The following L3MBTL3 variants were observed in gnomAD, a reference collection of about 807,000 sequenced individuals.
L3MBTL3 encodes L3MBTL histone methyl-lysine binding protein 3.
Under a neutral mutation model 102.3 loss-of-function variants are expected in L3MBTL3, and 27 were observed. The ratio of observed to expected loss-of-function variants is 0.26; its 90% CI spans 0.19 to 0.36. The LOEUF (loss-of-function observed/expected upper bound fraction) is 0.36, where lower values mean the gene tolerates loss of function less well. Among genes scored for constraint, L3MBTL3 ranks in the 10% least tolerant of loss-of-function variants. The pLI is 1.00. For synonymous variants in L3MBTL3, 340 were observed against 320.9 expected, an observed-to-expected ratio of 1.06 and a Z score of -0.64; for missense variants, 798 against 955.3, an observed-to-expected ratio of 0.84 and a Z score of 2.17.
At position 130,141,334 on chromosome 6, in the gene L3MBTL3, T is replaced by C. The variant is rs984517527; in HGVS notation, c.*1581T>C. On this transcript the variant is annotated 3_prime_UTR_variant, in exon 23 of 23. Coordinates refer to ENST00000361794, the MANE Select transcript of L3MBTL3 (RefSeq NM_032438.4). ...ATTTATTTGCATGAATCTGCTTAAATAAGTTTTTTGTTGCTGTTTTTTCTT... is the reference window on the plus strand; with the variant it reads ...ATTTATTTGCATGAATCTGCTTAAACAAGTTTTTTGTTGCTGTTTTTTCTT... The C allele has an allele frequency of 1.3e-5, 2 of 152,374 alleles. No individual in the cohort carries two copies. Among genetic ancestry groups the C allele is most frequent in the Non-Finnish European group, 2.9e-5 (2 of 68,040 alleles). The allele number at this position is 152,374 out of a possible 1,614,324, so 9.4% of individuals were successfully genotyped here. A position where few individuals can be genotyped will look rare whatever the true frequency, so the allele number is the denominator to read the frequency against.
At chr6:130,020,114 G>GGCCGGGGCCGGC (rs1333401855) in intron 1 of L3MBTL3, among the ~76,000 whole-genome samples, 1 of 150,946 alleles carries the variant, frequency 6.6e-6, no homozygotes, top group Non-Finnish European at 1.5e-5. Context: ...GAGGGGTCGG[G>GGCCGGGGCCGGC]GCCGGGGCCG....
chr6:130,063,766 C>G (rs1306602957), intron 10 of L3MBTL3, among the ~76,000 whole-genome samples: 1 of 152,158 alleles, frequency 6.6e-6, no homozygotes, highest in Non-Finnish European at 1.5e-5. Context: ...TAAACAACAC[C>G]TCAGCACTAT....
chr6:130,053,880 T>G (rs1186700477), intron 7 of L3MBTL3, among the ~76,000 whole-genome samples: 1 of 152,170 alleles, frequency 6.6e-6, no homozygotes, highest in Non-Finnish European at 1.5e-5. Context: ...CAGGGATGCA[T>G]AAGACAAATA....
intron 14 of L3MBTL3, among the ~76,000 whole-genome samples, chr6:130,080,019 C>T (rs1311382634): frequency 6.6e-6 from 1 of 152,130 alleles, no homozygotes; most frequent in Non-Finnish European, 1.5e-5. Flanking sequence ...CTTTGGGAGG[C>T]TGAGGCGGGA....
intron 22 of L3MBTL3, chr6:130,138,015 ATG>A (rs2114484886): frequency 6.6e-6 from 1 of 152,348 alleles, no homozygotes; most frequent in Non-Finnish European, 1.5e-5. Flanking sequence ...CAACAGCAGG[ATG>A]TCTTTTTACT....
At chr6:130,033,645 A>T (rs1244649878) in intron 2 of L3MBTL3, among the ~76,000 whole-genome samples, 2 of 152,226 alleles carry the variant, frequency 1.3e-5, no homozygotes, top group Non-Finnish European at 2.9e-5. Context: ...TATCTGAATG[A>T]CAGAATTTGA....
chr6:130,141,111 A>G lies in L3MBTL3; in HGVS notation c.*1358A>G, dbSNP rs1788236882. The G allele has an allele frequency of 1.3e-5, 2 of 152,312 alleles. No homozygotes were observed. The allele number at this position is 152,312 out of a possible 1,614,324, so 9.4% of individuals were successfully genotyped here. On this transcript the variant is annotated 3_prime_UTR_variant, in exon 23 of 23. Coordinates refer to ENST00000361794, the MANE Select transcript of L3MBTL3 (RefSeq NM_032438.4). ...GATTCCAGGATTGGATATTTATTCA[A>G]GGACTATTTTAAAAATAGAAAGTAA... is the stretch of plus-strand genomic sequence containing the variant.
At chr6:130,080,403 T>G (rs950861900) in intron 14 of L3MBTL3, among the ~76,000 whole-genome samples, 4 of 152,258 alleles carry the variant, frequency 2.6e-5, no homozygotes, top group Non-Finnish European at 4.4e-5. Context: ...CCATGGTTGC[T>G]TCTTTGCCAC....
intron 2 of L3MBTL3, among the ~76,000 whole-genome samples, chr6:130,038,917 CTACT>C (rs1780233177): frequency 6.6e-6 from 1 of 151,984 alleles, no homozygotes; most frequent in Non-Finnish European, 1.5e-5. Context: ...GATGTTTTCT[CTACT>C]TAAGGGGGAA....
At chr6:130,023,199 G>A (rs1041232824) in intron 2 of L3MBTL3, among the ~76,000 whole-genome samples, 3 of 152,072 alleles carry the variant, frequency 2.0e-5, no homozygotes, top group African/African-American at 7.2e-5. Context: ...TTTTAGAGCA[G>A]AACTAACAAC....
chr6:130,089,662 A>G (rs1783912840), intron 16 of L3MBTL3, among the ~76,000 whole-genome samples: 1 of 152,116 alleles, frequency 6.6e-6, no homozygotes, highest in African/African-American at 2.4e-5. Context: ...ACAATGGTTG[A>G]ACTAGTTTAC....
At chr6:130,088,045 G>T (rs949002925) in intron 16 of L3MBTL3, among the ~76,000 whole-genome samples, 2 of 152,026 alleles carry the variant, frequency 1.3e-5, no homozygotes, top group Non-Finnish European at 2.9e-5. Context: ...GCCCAGAGAG[G>T]TCAAGTATGC....
At position 130,078,697 on chromosome 6, in the gene L3MBTL3, T is replaced by A; in HGVS notation, c.1321+63T>A. On this transcript the variant is annotated intron_variant, in intron 14 of 22. Coordinates refer to ENST00000361794, the MANE Select transcript of L3MBTL3 (RefSeq NM_032438.4). ...ACTTCAAGAGTAGGCAGACTTTTTC[T>A]GTAAAGGGCCAGATAGTAAATATTT... is the stretch of plus-strand genomic sequence containing the variant. The A allele has an allele frequency of 2.8e-6, 3 of 1,082,626 alleles. No homozygotes were observed. The South Asian group carries it at 4.0e-5, about 15-fold the overall frequency. 67.1% of individuals were successfully genotyped at this position (1,082,626 alleles called of 1,614,324 possible). A position where few individuals can be genotyped will look rare whatever the true frequency, so the allele number is the denominator to read the frequency against.
intron 3 of L3MBTL3, among the ~76,000 whole-genome samples, chr6:130,045,440 T>A (rs1780671093): frequency 6.6e-6 from 1 of 152,190 alleles, no homozygotes; most frequent in South Asian, 2.1e-4. Flanking sequence ...CTGAACACTC[T>A]ACCTGCATCT....
chr6:130,085,125 T>C (rs568401699), intron 15 of L3MBTL3, among the ~76,000 whole-genome samples: 7 of 152,202 alleles, frequency 4.6e-5, no homozygotes, highest in Admixed American at 3.9e-4. Flanking sequence ...CACCGCGTCC[T>C]GCCCAGCAAC....
chr6:130,075,699 C>T (rs1782907698), intron 13 of L3MBTL3, among the ~76,000 whole-genome samples: 1 of 152,038 alleles, frequency 6.6e-6, no homozygotes, highest in South Asian at 2.1e-4. Flanking sequence ...CATTTTTGAG[C>T]TTGGTTTTTA....
intron 18 of L3MBTL3, among the ~76,000 whole-genome samples, chr6:130,096,922 C>T (rs539009747): frequency 2.4e-4 from 36 of 152,246 alleles, no homozygotes; most frequent in African/African-American, 7.9e-4. Flanking sequence ...ATAAAGAACC[C>T]GTATTCATTT....
rs554526424 is a variant in L3MBTL3, at chr6:130,072,894, A to G, written c.1244+1767A>G. ...CCAATAAGGTGTACACTTTGTGATT[A>G]CCTTGCTTGACCTCGTTTAATTTAC... is the stretch of plus-strand genomic sequence containing the variant. On this transcript the variant is annotated intron_variant, in intron 13 of 22. Coordinates refer to ENST00000361794, the MANE Select transcript of L3MBTL3 (RefSeq NM_032438.4). Among the ~76,000 whole-genome samples, 122 of 152,214 alleles carry G rather than the reference A, an allele frequency of 8.0e-4. 3 individuals are homozygous for G. In the South Asian group the frequency reaches 0.024, roughly 31 times the overall value.
At chr6:130,055,648 CTCTCCCTCCCTCCCTCT>C (rs1179517675) in intron 8 of L3MBTL3, among the ~76,000 whole-genome samples, 2 of 27,426 alleles carry the variant, frequency 7.3e-5, no homozygotes, top group East Asian at 3.6e-3. Flanking sequence ...CCCTCCCTCT[CTCTCCCTCCCTCCCTCT>C]CTCTCCCTCC....
Sources: gnomAD v4.1 joint callset for allele counts (sites outside exome capture counted in the v4.1 genomes callset) on GRCh38, gnomAD v4.1.1 for gene constraint, MANE v1.5 for transcripts, NCBI Gene and HGNC (gene_info 2026-07-23, HGNC 2026-07-21) for gene names.